Variants in B3GAT1 observed in about 807,000 individuals in gnomAD.
B3GAT1 encodes the protein beta-1,3-glucuronyltransferase 1.
B3GAT1 carries 11 observed loss-of-function variants against 28.4 expected under a neutral mutation model. The ratio of observed to expected loss-of-function variants is 0.39; its 90% CI spans 0.24 to 0.64. The LOEUF is 0.64. B3GAT1 is among the 30% of genes least tolerant of loss of function. The pLI is 0.50. For missense variants in B3GAT1, 375 were observed against 491.0 expected, an observed-to-expected ratio of 0.76 and a Z score of 2.23; for synonymous variants, 255 against 223.1, an observed-to-expected ratio of 1.14 and a Z score of -1.27.
intron 2 of B3GAT1, 39 bp from the exon 3 acceptor site, chr11:134,384,227 CCGGCTA>C: frequency 6.6e-7 from 1 of 1,510,480 alleles, no homozygotes. Context: ...GAGGAGAGCG[CCGGCTA>C]CGGCCCTGGA....
intron 3 of B3GAT1, 107 bp downstream of exon 3, chr11:134,383,573 C>A: frequency 1.4e-6 from 2 of 1,389,828 alleles, no homozygotes; most frequent in Non-Finnish European, 9.4e-7. Flanking sequence ...AGCCCGGCTT[C>A]CCGGGTTCCC....
At chr11:134,410,278 C>A (rs1944828851) in intron 1 of B3GAT1, among the ~76,000 whole-genome samples, 1 of 152,372 alleles carries the variant, frequency 6.6e-6, no homozygotes, top group East Asian at 1.9e-4. Flanking sequence ...ACAGCGCCTG[C>A]AAGCTTCCAG....
chr11:134,400,332 G>A (rs1944587872), intron 1 of B3GAT1, among the ~76,000 whole-genome samples: 1 of 152,204 alleles, frequency 6.6e-6, no homozygotes, highest in African/African-American at 2.4e-5. Flanking sequence ...AGGGCCCAGA[G>A]CCCAACCCAA....
intron 1 of B3GAT1, among the ~76,000 whole-genome samples, chr11:134,407,635 C>T (rs191824013): frequency 5.3e-5 from 8 of 152,350 alleles, no homozygotes; most frequent in Non-Finnish European, 1.0e-4. Context: ...CGGAGGCTGC[C>T]TCCTGCCCTG....
At position 134,387,939 on chromosome 11, in the gene B3GAT1, AC is replaced by A. The variant is rs1470946099; in HGVS notation, c.-281del. On this transcript the variant is annotated splice_region_variant and 5_prime_UTR_variant, in exon 2 of 6. An upstream open reading frame in the 5' UTR loses its in-frame stop. Transcript: ENST00000312527. Reference sequence around the variant, plus strand: ...GGGTCAGGAACCCTGGGGGGTGGACACCTGCAAGAGAGAGCAGAAGCGGATA... The same window carrying A: ...GGGTCAGGAACCCTGGGGGGTGGACACTGCAAGAGAGAGCAGAAGCGGATA... 1 of 1,320,594 alleles carries A rather than the reference AC, an allele frequency of 7.6e-7. No homozygotes were observed. Among genetic ancestry groups the A allele is most frequent in the African/African-American group, 1.5e-5 (1 of 68,462 alleles). 81.8% of individuals were successfully genotyped at this position (1,320,594 alleles called of 1,614,324 possible). A position where few individuals can be genotyped will look rare whatever the true frequency, so the allele number is the denominator to read the frequency against.
intron 1 of B3GAT1, among the ~76,000 whole-genome samples, chr11:134,398,530 C>G (rs1405751706): frequency 6.6e-6 from 1 of 152,230 alleles, no homozygotes; most frequent in East Asian, 1.9e-4. Context: ...TGTTTAAACC[C>G]TTGTAATCCC....
At chr11:134,400,779 A>AAACT (rs1219033909) in intron 1 of B3GAT1, among the ~76,000 whole-genome samples, 1 of 152,248 alleles carries the variant, frequency 6.6e-6, no homozygotes, top group Non-Finnish European at 1.5e-5. Context: ...GGACCTAATT[A>AAACT]AACTAAAGAG....
rs774068284 is a variant in B3GAT1, at chr11:134,407,736, C to CAA, written c.-282+4069_-282+4070dup. Among the ~76,000 whole-genome samples the CAA allele has an allele frequency of 6.8e-3, 906 of 132,378 alleles. 10 individuals are homozygous for CAA. Among genetic ancestry groups the CAA allele is most frequent in the African/African-American group, 0.023 (862 of 37,094 alleles). 86.8% of individuals were successfully genotyped at this position (132,378 alleles called of 152,430 possible). On this transcript the variant is annotated intron_variant, in intron 1 of 5. Coordinates refer to ENST00000312527, the MANE Select transcript of B3GAT1 (RefSeq NM_054025.3). ...TAGAAAAGTAAATTTGCTGTAGCTGCAAAAAAAAAAAAAGCAACCCACATA... is the reference window on the plus strand; with the variant it reads ...TAGAAAAGTAAATTTGCTGTAGCTGCAAAAAAAAAAAAAAAGCAACCCACATA...
chr11:134,392,764 A>C (rs1188158636), intron 1 of B3GAT1, among the ~76,000 whole-genome samples: 1 of 152,156 alleles, frequency 6.6e-6, no homozygotes, highest in Non-Finnish European at 1.5e-5. Context: ...TGATTGACCC[A>C]GGCTGGGGCA....
rs539416450 is a variant in B3GAT1, at chr11:134,385,137, C to T, written c.113-949G>A. The T allele has an allele frequency of 5.3e-5, 8 of 152,258 alleles. No homozygotes were observed. In the South Asian group the frequency reaches 6.2e-4, roughly 12 times the overall value. 9.4% of individuals were successfully genotyped at this position (152,258 alleles called of 1,614,324 possible). A position where few individuals can be genotyped will look rare whatever the true frequency, so the allele number is the denominator to read the frequency against. ...GAGCTAATAATAGCATCGAACTTAT[C>T]GAGTTATTATGTGGATTAATGAGTC... On this transcript the variant is annotated intron_variant, in intron 2 of 5. Transcript: ENST00000312527.
At chr11:134,395,660 C>T (rs146623992) in intron 1 of B3GAT1, among the ~76,000 whole-genome samples, 267 of 152,220 alleles carry the variant, frequency 1.8e-3, no homozygotes, top group African/African-American at 6.0e-3. Context: ...CCCCAACCTC[C>T]TTTGCCCTCC....
intron 1 of B3GAT1, among the ~76,000 whole-genome samples, chr11:134,397,332 C>T (rs1260262880): frequency 6.6e-6 from 1 of 152,222 alleles, no homozygotes; most frequent in Non-Finnish European, 1.5e-5. Context: ...GCAACGTACC[C>T]AGCCTGGCAC....
rs755351067 is a variant in B3GAT1, at chr11:134,387,871, C to T, written c.-212G>A. 2.2e-4 allele frequency: 331 copies of T among 1,520,832 alleles called. No individual in the cohort carries two copies. Among genetic ancestry groups the T allele is most frequent in the African/African-American group, 3.3e-4 (24 of 72,702 alleles). 94.2% of individuals were successfully genotyped at this position (1,520,832 alleles called of 1,614,324 possible). A position where few individuals can be genotyped will look rare whatever the true frequency, so the allele number is the denominator to read the frequency against. On this transcript the variant is annotated 5_prime_UTR_variant, in exon 2 of 6. Coordinates refer to ENST00000312527, the MANE Select transcript of B3GAT1 (RefSeq NM_054025.3). The stretch of plus-strand genomic sequence containing the variant: ...ATTGCGGAAGCAGGTTTGGAGAGTC[C>T]GGCCCAACTGGAGTCTGAGAAGGGG...
At chr11:134,403,744 A>G (rs1944666720) in intron 1 of B3GAT1, among the ~76,000 whole-genome samples, 2 of 152,082 alleles carry the variant, frequency 1.3e-5, no homozygotes. Context: ...ATGCAATGGA[A>G]TATTATTCAG....
At chr11:134,389,425 TGAG>T (rs1412992048) in intron 1 of B3GAT1, 1 of 152,182 alleles carries the variant, frequency 6.6e-6, no homozygotes. Flanking sequence ...GGGGCCCAAG[TGAG>T]GAGAATGAGC....
chr11:134,389,776 C>A (rs1017142199), intron 1 of B3GAT1: 3 of 152,372 alleles, frequency 2.0e-5, no homozygotes, highest in Admixed American at 1.3e-4. Context: ...CAGGCAGAGT[C>A]GAGTGCTATG....
intron 1 of B3GAT1, among the ~76,000 whole-genome samples, chr11:134,403,425 G>T (rs1185867817): frequency 1.3e-5 from 2 of 152,194 alleles, no homozygotes; most frequent in South Asian, 2.1e-4. Flanking sequence ...CAGCCCAGGG[G>T]CTTCACACTC....
chr11:134,404,037 T>C (rs1353239193), intron 1 of B3GAT1, among the ~76,000 whole-genome samples: 4 of 125,092 alleles, frequency 3.2e-5, no homozygotes, highest in African/African-American at 1.2e-4. Context: ...ATATTTATTA[T>C]ACGTTAAGTT....
At position 134,412,203 on chromosome 11, in the gene B3GAT1, C is replaced by T. The variant is rs1179687284; in HGVS notation, c.-678G>A. Among the ~76,000 whole-genome samples, 1 of 144,968 alleles carries T rather than the reference C, an allele frequency of 6.9e-6. No individual in the cohort carries two copies. Among genetic ancestry groups the T allele is most frequent in the Non-Finnish European group, 1.5e-5 (1 of 65,376 alleles). On this transcript the variant is annotated 5_prime_UTR_variant, in exon 1 of 6. Coordinates refer to ENST00000312527, the MANE Select transcript of B3GAT1 (RefSeq NM_054025.3). Reference sequence around the variant, plus strand: ...GAGCCGACCGGGCCGGCGCAGAGTCCCCGAGGTGGCGGCGGATGCGCCGGT... The same window carrying T: ...GAGCCGACCGGGCCGGCGCAGAGTCTCCGAGGTGGCGGCGGATGCGCCGGT...
Sources: gnomAD v4.1 joint callset for allele counts (sites outside exome capture counted in the v4.1 genomes callset) on GRCh38, gnomAD v4.1.1 for gene constraint, MANE v1.5 for transcripts, NCBI Gene and HGNC (gene_info 2026-07-23, HGNC 2026-07-21) for gene names.